RBBP6: variants seen among roughly 807,000 people sequenced by gnomAD.
RBBP6 encodes E3 ubiquitin-protein ligase RBBP6.
A neutral mutation model predicts 167.7 loss-of-function variants in RBBP6; 25 were observed. That is an observed-to-expected ratio of 0.15 (90% CI 0.11 to 0.21). The LOEUF (loss-of-function observed/expected upper bound fraction) is 0.21. Among genes scored for constraint, RBBP6 ranks in the 10% least tolerant of loss-of-function variants. The probability of loss-of-function intolerance (pLI) is 1.00; values close to 1 mark genes in which losing one functional copy is unlikely to be tolerated. For synonymous variants in RBBP6, 789 were observed against 735.8 expected, an observed-to-expected ratio of 1.07 and a Z score of -1.17; for missense variants, 1,868 against 2,134.2, an observed-to-expected ratio of 0.88 and a Z score of 2.46.
Position 24,572,483 on chromosome 16 carries a change from A to G in RBBP6, c.*38A>G. 3.3e-6 allele frequency: 5 copies of G among 1,492,690 alleles called. No homozygotes were observed. The highest frequency in any genetic ancestry group is 3.5e-6 in the Non-Finnish European group (4 of 1,128,506). The allele number at this position is 1,492,690 out of a possible 1,614,324, so 92.5% of individuals were successfully genotyped here. Reference sequence around the variant, plus strand: ...TTTAAATTGACTTAATTACTAAGTCATCTGTATTAAATTTTGTTATAATGT... The same window carrying G: ...TTTAAATTGACTTAATTACTAAGTCGTCTGTATTAAATTTTGTTATAATGT... On this transcript the variant is annotated 3_prime_UTR_variant, in exon 18 of 18. Coordinates refer to ENST00000319715, the MANE Select transcript of RBBP6 (RefSeq NM_006910.5).
Position 24,561,966 on chromosome 16 carries a change from A to T in RBBP6, c.1094A>T (p.Gln365Leu). ...CTGATGAGATCTCCGATATCAAGACAACAAGATCCTCTTATGATTCCAGTG... is the reference window on the plus strand; with the variant it reads ...CTGATGAGATCTCCGATATCAAGACTACAAGATCCTCTTATGATTCCAGTG... The part of the protein sequence containing the change: ...QPLMRSPISR[Q>L]QDPLMIPVTS... Residue 365 changes from glutamine (Q) to leucine (L), a missense_variant, in exon 10 of 18, where the codon CAA becomes CTA. Physicochemically the swap from Gln to Leu is moderately radical, Grantham distance 113 (BLOSUM62 -2). Transcript: ENST00000319715. 6.2e-7 allele frequency: 1 copy of T among 1,613,556 alleles called. No individual in the cohort carries two copies. Among genetic ancestry groups the T allele is most frequent in the South Asian group, 1.1e-5 (1 of 91,030 alleles).
Position 24,567,409 on chromosome 16 carries a change from GAGTGCAGACAGCTCATTC to G in RBBP6, c.1858_1875del (p.Val620_Ser625del). 1 of 1,614,112 alleles carries G rather than the reference GAGTGCAGACAGCTCATTC, an allele frequency of 6.2e-7. No individual in the cohort carries two copies. The highest frequency in any genetic ancestry group is 8.5e-7 in the Non-Finnish European group (1 of 1,180,020). On this transcript the variant is annotated inframe_deletion, in exon 15 of 18. Transcript: ENST00000319715. ...TTATCAACACCTTGGGTATCATCAG[GAGTGCAGACAGCTCATTC>G]AAATACCATCCCAACAACACAAGCA...
Position 24,561,866 on chromosome 16 carries a change from C to A in RBBP6, c.994C>A (p.Leu332Ile). 6.2e-7 allele frequency: 1 copy of A among 1,613,424 alleles called. No individual in the cohort carries two copies. The highest frequency in any genetic ancestry group is 8.5e-7 in the Non-Finnish European group (1 of 1,179,694). ...AAATGAAACTGGCTATACAAAAAGA[C>A]TACGAAAACAGTTACCTCCTCCACC... The part of the protein sequence containing the change: ...FKNETGYTKR[L>I]RKQLPPPPPP... The change falls in exon 10 of 18, where the codon CTA becomes ATA. Residue 332 changes from leucine to isoleucine, a missense_variant. Leu to Ile is a conservative substitution (Grantham distance 5, BLOSUM62 2). Transcript: ENST00000319715.
At chr16:24,564,134 C>T (rs911021269) in intron 13 of RBBP6, among the ~76,000 whole-genome samples, 10 of 151,890 alleles carry the variant, frequency 6.6e-5, no homozygotes, top group Admixed American at 6.5e-4. Flanking sequence ...TTGTTCTTGC[C>T]ACCCTAAAAT....
At chr16:24,563,388 T>A (rs757706745) in intron 11 of RBBP6, 35 bp from the exon 12 acceptor site, 92 of 1,450,250 alleles carry the variant, frequency 6.3e-5, no homozygotes, top group East Asian at 4.6e-4. Context: ...TTTTTTTTTT[T>A]AACTATTTCT....
chr16:24,558,890 A>G (rs535346010), intron 7 of RBBP6, among the ~76,000 whole-genome samples: 169 of 152,272 alleles, frequency 1.1e-3, no homozygotes, highest in Non-Finnish European at 2.0e-3. Flanking sequence ...TAAAATACTA[A>G]TAAGTAGATC....
chr16:24,569,690 A>G lies in RBBP6; in HGVS notation c.3000A>G (p.Ser1000=). The G allele has an allele frequency of 6.2e-7, 1 of 1,613,948 alleles. No homozygotes were observed. Among genetic ancestry groups the G allele is most frequent in the South Asian group, 1.1e-5 (1 of 91,042 alleles). Residue 1000 remains serine (S), a synonymous_variant, in exon 17 of 18, where the codon TCA becomes TCG. Coordinates refer to ENST00000319715, the MANE Select transcript of RBBP6 (RefSeq NM_006910.5). ...PMDAESITFK[S]VSEKDKRERD... The stretch of plus-strand genomic sequence containing the variant: ...ATGCAGAATCAATCACTTTTAAATC[A>G]GTGTCTGAAAAAGACAAGAGAGAAA...
intron 3 of RBBP6, 95 bp from the exon 4 acceptor site, chr16:24,553,418 A>G (rs1290136193): frequency 7.8e-6 from 8 of 1,021,304 alleles, no homozygotes; most frequent in South Asian, 4.2e-5. Context: ...AAAATGCCCA[A>G]TATTTCAACA....
intron 7 of RBBP6, among the ~76,000 whole-genome samples, chr16:24,558,205 A>G (rs1898964794): frequency 6.6e-6 from 1 of 152,184 alleles, no homozygotes; most frequent in Non-Finnish European, 1.5e-5. Context: ...AATTAACTTC[A>G]TTGCTTTTGA....
At chr16:24,556,666 A>G (rs769108874) in intron 7 of RBBP6, among the ~76,000 whole-genome samples, 1 of 152,302 alleles carries the variant, frequency 6.6e-6, no homozygotes, top group South Asian at 2.1e-4. Context: ...AGTGAGTGCC[A>G]CTTCCCTTGT....
rs560044159 is a variant in RBBP6 at position 24,543,812 on chromosome 16, A to G, written c.167-2351A>G. Among the ~76,000 whole-genome samples, 36 of 152,292 alleles carry G rather than the reference A, an allele frequency of 2.4e-4. No individual in the cohort carries two copies. The South Asian group carries it at 7.5e-3, about 32-fold the overall frequency. ...AGTGTGAGAGGTTTGGAAGCTGAAT[A>G]TGAAGTGTTTATAAATGACCCTTGT... On this transcript the variant is annotated intron_variant, in intron 1 of 17. Coordinates refer to ENST00000319715, the MANE Select transcript of RBBP6 (RefSeq NM_006910.5).
chr16:24,560,517 C>T (rs1226442861), intron 8 of RBBP6, among the ~76,000 whole-genome samples: 1 of 152,200 alleles, frequency 6.6e-6, no homozygotes, highest in Non-Finnish European at 1.5e-5. Context: ...TGCCTTCTTA[C>T]ACAGAAGAAA....
chr16:24,568,987 A>C lies in RBBP6; in HGVS notation c.2297A>C (p.Tyr766Ser), dbSNP rs745683220. The C allele has an allele frequency of 6.2e-7, 1 of 1,614,164 alleles. No individual in the cohort carries two copies. Among genetic ancestry groups the C allele is most frequent in the Non-Finnish European group, 8.5e-7 (1 of 1,179,980 alleles). Residue 766 changes from tyrosine (Y) to serine (S), a missense_variant, in exon 17 of 18, where the codon TAT (tyrosine) becomes TCT (serine). Transcript: ENST00000319715. The stretch of plus-strand genomic sequence containing the variant: ...TCAAGGTCACCCCCTTACAGACGCT[A>C]TCATTCACGATCAAGATCTCCTCAA... ...SRSRSPPYRR[Y>S]HSRSRSPQAF...
rs190058604 is a variant in RBBP6, at chr16:24,569,667, G to A, written c.2977G>A (p.Ala993Thr). Residue 993 changes from alanine (A) to threonine (T), a missense_variant, in exon 17 of 18, where the codon GCA becomes ACA. Coordinates refer to ENST00000319715, the MANE Select transcript of RBBP6 (RefSeq NM_006910.5). ...ACCTGTTAGAGATGAACCAATGGAT[G>A]CAGAATCAATCACTTTTAAATCAGT... ...ATPVRDEPMDAESITFKSVSE... is the reference protein window; with the variant it reads ...ATPVRDEPMDTESITFKSVSE... The A allele has an allele frequency of 2.5e-6, 4 of 1,613,656 alleles. No homozygotes were observed. The highest frequency in any genetic ancestry group is 8.5e-7 in the Non-Finnish European group (1 of 1,179,918).
chr16:24,559,393 A>G, intron 7 of RBBP6, 112 bp from the exon 8 acceptor site: 1 of 788,712 alleles, frequency 1.3e-6, no homozygotes, highest in Non-Finnish European at 1.9e-6. Flanking sequence ...GCTTGTCTAA[A>G]CTAATTTGGC....
intron 2 of RBBP6, among the ~76,000 whole-genome samples, chr16:24,548,317 GT>G (rs67923848): frequency 8.4e-5 from 12 of 143,682 alleles, no homozygotes; most frequent in East Asian, 6.1e-4. Context: ...TTTTTGTTCA[GT>G]TTTTTTTTTT....
rs1337390225 is a variant in RBBP6, at chr16:24,563,679, A to C, written c.1520+15A>C. On this transcript the variant is annotated intron_variant, in intron 13 of 17. Coordinates refer to ENST00000319715, the MANE Select transcript of RBBP6 (RefSeq NM_006910.5). ...GGCTGGGAACAGTGAGTAGATGTTT[A>C]CAATAATCTTCAGATGATTGCCTGC... 1 of 1,606,880 alleles carries C rather than the reference A, an allele frequency of 6.2e-7. No individual in the cohort carries two copies. Among genetic ancestry groups the C allele is most frequent in the African/African-American group, 1.4e-5 (1 of 73,524 alleles).
chr16:24,569,449 A>G lies in RBBP6; in HGVS notation c.2759A>G (p.Glu920Gly). ...GATAATACAAAGTCAAAAGAGAAGG[A>G]GAGTGAAAACGCTCCAGGAGATGGT... The part of the protein sequence containing the change: ...QKDNTKSKEK[E>G]SENAPGDGKG... The change falls in exon 17 of 18, where the codon GAG becomes GGG. Residue 920 changes from glutamate (E) to glycine (G), a missense_variant. Physicochemically the swap from Glu to Gly is moderately conservative, Grantham distance 98 (BLOSUM62 -2). Coordinates refer to ENST00000319715, the MANE Select transcript of RBBP6 (RefSeq NM_006910.5). 6.2e-7 allele frequency: 1 copy of G among 1,613,480 alleles called. No individual in the cohort carries two copies. Among genetic ancestry groups the G allele is most frequent in the Non-Finnish European group, 8.5e-7 (1 of 1,179,900 alleles).
intron 12 of RBBP6, 33 bp from the exon 13 acceptor site, chr16:24,563,577 T>C (rs1026820292): frequency 5.6e-6 from 9 of 1,612,326 alleles, no homozygotes; most frequent in Non-Finnish European, 7.6e-6. Context: ...TGCAATTTTG[T>C]ATTTACCTAC....
Sources: allele counts gnomAD v4.1 joint callset (sites outside exome capture counted in the v4.1 genomes callset), GRCh38; gene constraint gnomAD v4.1.1; transcripts MANE v1.5; gene names NCBI Gene and HGNC (gene_info 2026-07-23, HGNC 2026-07-21).